SPARC: variants seen among roughly 807,000 people sequenced by gnomAD.
SPARC encodes the protein secreted protein acidic and cysteine rich, also known as basement-membrane protein 40.
Under a neutral mutation model 37.7 loss-of-function variants are expected in SPARC, and 23 were observed. That is an observed-to-expected ratio of 0.61 (90% CI 0.44 to 0.87). The LOEUF is 0.87. SPARC is among the 40% of genes least tolerant of loss of function. SPARC has a pLI of 0.00. For synonymous variants in SPARC, 155 were observed against 150.8 expected (o/e 1.03, Z -0.20); for missense variants, 312 against 389.0 (o/e 0.80, Z 1.66).
intron 3 of SPARC, among the ~76,000 whole-genome samples, chr5:151,673,733 C>G (rs1175919060): frequency 6.6e-6 from 1 of 152,188 alleles, no homozygotes; most frequent in African/African-American, 2.4e-5. Context: ...GCGAACTCAA[C>G]CAATGCACAA....
rs1760518552 is a variant in SPARC, at chr5:151,662,095, T to C, written c.*1476A>G. On this transcript the variant is annotated 3_prime_UTR_variant, in exon 10 of 10. Coordinates refer to ENST00000231061, the MANE Select transcript of SPARC (RefSeq NM_003118.4). ...GCTTGGCATGGGACCTGGTGCAGAG[T>C]AAATACATCATAAATATTTTGTGAA... is the stretch of plus-strand genomic sequence containing the variant. The C allele has an allele frequency of 6.6e-6, 1 of 152,622 alleles. No homozygotes were observed. The highest frequency in any genetic ancestry group is 2.4e-5 in the African/African-American group (1 of 41,440). 9.5% of individuals were successfully genotyped at this position (152,622 alleles called of 1,614,324 possible). A position where few individuals can be genotyped will look rare whatever the true frequency, so the allele number is the denominator to read the frequency against.
At chr5:151,667,995 G>A (rs1304160210) in intron 6 of SPARC, among the ~76,000 whole-genome samples, 1 of 152,148 alleles carries the variant, frequency 6.6e-6, no homozygotes, top group Non-Finnish European at 1.5e-5. Context: ...AGCTTGGCAG[G>A]GAGTGGGGAG....
chr5:151,683,220 T>C (rs143657808), intron 1 of SPARC, among the ~76,000 whole-genome samples: 149 of 152,282 alleles, frequency 9.8e-4, no homozygotes, highest in African/African-American at 3.5e-3. Flanking sequence ...GGGAGCCAGC[T>C]AGAAGCAAGG....
Position 151,662,757 on chromosome 5 carries a change from T to C in SPARC, c.*814A>G, listed in dbSNP as rs375912882. On this transcript the variant is annotated 3_prime_UTR_variant, in exon 10 of 10. Transcript: ENST00000231061. ...TACATCTCACTCTTGATTTTGGCCT[T>C]CCTGGCTGAAACAGCCTGGCAGTCC... 8 of 152,332 alleles carry C rather than the reference T, an allele frequency of 5.3e-5. No individual in the cohort carries two copies. The highest frequency in any genetic ancestry group is 2.1e-4 in the South Asian group (1 of 4,822). 9.4% of individuals were successfully genotyped at this position (152,332 alleles called of 1,614,324 possible). A position where few individuals can be genotyped will look rare whatever the true frequency, so the allele number is the denominator to read the frequency against.
intron 9 of SPARC, among the ~76,000 whole-genome samples, 172 bp from the exon 10 acceptor site, chr5:151,663,771 G>T (rs1000824201): frequency 6.6e-6 from 1 of 152,200 alleles, no homozygotes; most frequent in South Asian, 2.1e-4. Flanking sequence ...TCTCTGGCCT[G>T]TCCCTGTCTC....
At chr5:151,682,008 G>T (rs147827915) in intron 1 of SPARC, among the ~76,000 whole-genome samples, 1 of 152,222 alleles carries the variant, frequency 6.6e-6, no homozygotes, top group Non-Finnish European at 1.5e-5. Flanking sequence ...TTTCTCCTAG[G>T]AACACAATAT....
chr5:151,676,740 T>C (rs754180471), intron 1 of SPARC, among the ~76,000 whole-genome samples: 23 of 152,292 alleles, frequency 1.5e-4, no homozygotes, highest in Middle Eastern at 3.4e-3. Context: ...TAAAATTATT[T>C]TTTTCCCTAA....
At chr5:151,668,760 G>C (rs137895743) in intron 6 of SPARC, among the ~76,000 whole-genome samples, 211 of 152,226 alleles carry the variant, frequency 1.4e-3, no homozygotes, top group African/African-American at 4.8e-3. Flanking sequence ...CTCTAGTCTT[G>C]CTGCCCAGGG....
rs1478401216 is a variant in SPARC at position 151,662,191 on chromosome 5, TAG to T, written c.*1378_*1379del. ...CTCAGTCTGGTGCTGATAATGGTGGTAGTGATCAAAAGGGTTAAACCACAGGT... is the reference window on the plus strand; with the variant it reads ...CTCAGTCTGGTGCTGATAATGGTGGTTGATCAAAAGGGTTAAACCACAGGT... On this transcript the variant is annotated 3_prime_UTR_variant, in exon 10 of 10. Transcript: ENST00000231061. The T allele has an allele frequency of 6.6e-6, 1 of 152,630 alleles. No individual in the cohort carries two copies. The highest frequency in any genetic ancestry group is 1.5e-5 in the Non-Finnish European group (1 of 68,040). The allele number at this position is 152,630 out of a possible 1,614,324, so 9.5% of individuals were successfully genotyped here. A position where few individuals can be genotyped will look rare whatever the true frequency, so the allele number is the denominator to read the frequency against.
In SPARC at chr5:151,669,757, C is replaced by T. The variant is rs201797309; in HGVS notation, c.358G>A (p.Asp120Asn). The change falls in exon 6 of 10, where the codon GAC becomes AAC. Residue 120 changes from aspartate to asparagine, a missense_variant. Physicochemically the swap from Asp to Asn is conservative, Grantham distance 23. Transcript: ENST00000231061. ...KVCSNDNKTF[D>N]SSCHFFATKC... ...GTGGCAAAGAAGTGGCAGGAAGAGT[C>T]GAAGGTCTTGTTGTCATTGCTGCAC... The T allele has an allele frequency of 2.2e-5, 35 of 1,614,180 alleles. No individual in the cohort carries two copies. Among genetic ancestry groups the T allele is most frequent in the Admixed American group, 1.3e-4 (8 of 60,028 alleles).
intron 1 of SPARC, chr5:151,679,867 G>A (rs1405611040): frequency 1.3e-5 from 2 of 152,168 alleles, no homozygotes; most frequent in Non-Finnish European, 2.9e-5. Flanking sequence ...CATGGACTGT[G>A]GGTCTCAGAA....
At chr5:151,670,737 G>A (rs984006680) in intron 5 of SPARC, among the ~76,000 whole-genome samples, 2 of 152,128 alleles carry the variant, frequency 1.3e-5, no homozygotes, top group Non-Finnish European at 2.9e-5. Context: ...CATCCTGTCC[G>A]TACTTATTTA....
At chr5:151,667,430 C>T (rs1760648479) in intron 7 of SPARC, 37 bp downstream of exon 7, 1 of 1,613,420 alleles carries the variant, frequency 6.2e-7, no homozygotes. Context: ...TGGATCTTCA[C>T]CAGCACGGGG....
intron 4 of SPARC, 181 bp downstream of exon 4, chr5:151,672,948 C>A: frequency 1.6e-6 from 1 of 608,806 alleles, no homozygotes; most frequent in South Asian, 1.9e-5. Context: ...TGCCCAGATC[C>A]CAGGGGACTG....
intron 4 of SPARC, chr5:151,672,828 T>C (rs1760775592): frequency 2.5e-6 from 1 of 396,906 alleles, no homozygotes; most frequent in Admixed American, 3.6e-5. Flanking sequence ...TCCGTGGGAC[T>C]GGGAAACTCA....
rs940706523 is a variant in SPARC, at chr5:151,663,543, A to G, written c.*28T>C. ...AAACACGAAGGGGAGGGTTAAAGAGAGAATCCGGTACTGTGGAAGGAGTGG... is the reference window on the plus strand; with the variant it reads ...AAACACGAAGGGGAGGGTTAAAGAGGGAATCCGGTACTGTGGAAGGAGTGG... On this transcript the variant is annotated 3_prime_UTR_variant, in exon 10 of 10. Transcript: ENST00000231061. The G allele has an allele frequency of 6.2e-7, 1 of 1,609,812 alleles. No individual in the cohort carries two copies.
chr5:151,685,392 C>CCTCT (rs5872225), intron 1 of SPARC, among the ~76,000 whole-genome samples: 2 of 141,178 alleles, frequency 1.4e-5, no homozygotes, highest in African/African-American at 2.7e-5. Context: ...CCATATTCAT[C>CCTCT]CTCTCTCTCT....
At chr5:151,683,880 G>A (rs1405866112) in intron 1 of SPARC, among the ~76,000 whole-genome samples, 1 of 152,108 alleles carries the variant, frequency 6.6e-6, no homozygotes, top group Non-Finnish European at 1.5e-5. Context: ...TGAGCCAGTG[G>A]GTGCCTGTTG....
intron 7 of SPARC, 42 bp downstream of exon 7, chr5:151,667,425 C>A (rs753173936): frequency 6.2e-7 from 1 of 1,613,188 alleles, no homozygotes; most frequent in Admixed American, 1.7e-5. Flanking sequence ...GGGACTGGAT[C>A]TTCACCAGCA....
Sources: allele counts gnomAD v4.1 joint callset (sites outside exome capture counted in the v4.1 genomes callset), GRCh38; gene constraint gnomAD v4.1.1; transcripts MANE v1.5; gene names NCBI Gene and HGNC (gene_info 2026-07-23, HGNC 2026-07-21).